PTPRT: variants seen among roughly 807,000 people sequenced by gnomAD.
The protein encoded by PTPRT is protein tyrosine phosphatase receptor type T, also known as receptor-type tyrosine-protein phosphatase T.
In PTPRT, 56 loss-of-function variants were observed where a neutral mutation model predicts 176.8. The observed-to-expected ratio is 0.32, with a 90% CI of 0.26 to 0.40. The LOEUF is 0.40. Ranked by LOEUF, PTPRT falls within the 10% of genes least tolerant of loss-of-function variation. The probability of loss-of-function intolerance (pLI) is 1.00; values close to 1 mark genes in which losing one functional copy is unlikely to be tolerated. For missense variants in PTPRT, 1,540 were observed against 1,908.2 expected, an observed-to-expected ratio of 0.81 and a Z score of 3.60; for synonymous variants, 783 against 739.0, an observed-to-expected ratio of 1.06 and a Z score of -0.96.
chr20:42,358,513 A>G (rs1348995456), intron 9 of PTPRT, among the ~76,000 whole-genome samples: 1 of 152,212 alleles, frequency 6.6e-6, no homozygotes, highest in East Asian at 1.9e-4. Context: ...AGCATGTAAC[A>G]GAGAAAACAG....
At chr20:42,352,458 C>T (rs6016757) in intron 9 of PTPRT, among the ~76,000 whole-genome samples, 173 bp from the exon 10 acceptor site, 2 of 151,914 alleles carry the variant, frequency 1.3e-5, no homozygotes, top group African/African-American at 4.8e-5. Flanking sequence ...ATCCCAGCCT[C>T]CAAATACCCC....
chr20:42,164,172 G>A (rs1475138004), intron 16 of PTPRT, among the ~76,000 whole-genome samples: 1 of 152,222 alleles, frequency 6.6e-6, no homozygotes, highest in Non-Finnish European at 1.5e-5. Flanking sequence ...GGGGACAGTT[G>A]TCTTCAGAGA....
intron 1 of PTPRT, among the ~76,000 whole-genome samples, chr20:43,183,298 T>C (rs1418452307): frequency 1.3e-5 from 2 of 152,180 alleles, no homozygotes; most frequent in Non-Finnish European, 2.9e-5. Context: ...AGTAACGCCA[T>C]TTCCTTGGTG....
At chr20:42,808,844 G>T (rs777440749) in intron 2 of PTPRT, among the ~76,000 whole-genome samples, 1 of 152,146 alleles carries the variant, frequency 6.6e-6, no homozygotes, top group East Asian at 1.9e-4. Context: ...GGTGACTGTT[G>T]GGTAGATGCT....
rs540940322 is a variant in PTPRT at position 42,648,577 on chromosome 20, G to A, written c.1153+29289C>T. On this transcript the variant is annotated intron_variant, in intron 7 of 30. Transcript: ENST00000373187. ...GACTAAAACACAGCCCAAGAAGGCC[G>A]CTACAGCTGCAATTCCATGCCTGTG... Among the ~76,000 whole-genome samples, 201 of 152,206 alleles carry A rather than the reference G, an allele frequency of 1.3e-3. 2 individuals are homozygous for A. Among genetic ancestry groups the A allele is most frequent in the African/African-American group, 4.7e-3 (194 of 41,512 alleles).
chr20:42,671,569 A>C (rs1364984328), intron 7 of PTPRT, among the ~76,000 whole-genome samples: 1 of 152,210 alleles, frequency 6.6e-6, no homozygotes, highest in East Asian at 1.9e-4. Flanking sequence ...ATATGGGTCC[A>C]CCTTCAAGAT....
At chr20:42,730,444 G>A (rs367653682) in intron 6 of PTPRT, among the ~76,000 whole-genome samples, 24 of 152,148 alleles carry the variant, frequency 1.6e-4, no homozygotes, top group Middle Eastern at 6.8e-3. Context: ...AAGAATAGAG[G>A]GAAAATTGGA....
At chr20:43,079,031 C>T (rs1272264242) in intron 1 of PTPRT, among the ~76,000 whole-genome samples, 3 of 152,128 alleles carry the variant, frequency 2.0e-5, no homozygotes, top group African/African-American at 4.8e-5. Context: ...TCACTTTGTG[C>T]CATTTTTGTA....
chr20:42,090,379 T>C (rs537995776), intron 27 of PTPRT, among the ~76,000 whole-genome samples: 2 of 151,084 alleles, frequency 1.3e-5, no homozygotes, highest in African/African-American at 4.8e-5. Flanking sequence ...GGATACTGCA[T>C]GTCAAAATAC....
the PTPRT span, among the ~76,000 whole-genome samples, chr20:42,034,711 A>G: frequency 2.6e-5 from 4 of 152,286 alleles, no homozygotes; most frequent in East Asian, 3.9e-4. Context: ...AACAGAAAGG[A>G]TTAACTTAGG....
intron 1 of PTPRT, among the ~76,000 whole-genome samples, chr20:42,928,010 C>G (rs1415697527): frequency 2.0e-5 from 3 of 152,202 alleles, no homozygotes; most frequent in African/African-American, 4.8e-5. Context: ...TAAGCAGCAC[C>G]GTGTAGCACA....
Position 42,472,353 on chromosome 20 carries a change from A to G in PTPRT, c.1363T>C (p.Phe455Leu). ...SHYTLRGLRP[F>L]MTIRLRLLLS... The stretch of plus-strand genomic sequence containing the variant: ...AAGAGTCGCAGCCGGATGGTCATGA[A>G]GGGGCGCAGGCCTCGCAGGGTGTAG... Residue 455 changes from phenylalanine (F) to leucine (L), a missense_variant, in exon 8 of 31, where the codon TTC (phenylalanine) becomes CTC (leucine). By Grantham distance (22) the Phe-to-Leu change is conservative. This residue lies in a region of PTPRT where 79 missense variants were observed against 80.0 expected (regional missense o/e 0.99). Coordinates refer to ENST00000373187, the MANE Select transcript of PTPRT (RefSeq NM_007050.6). The G allele has an allele frequency of 1.9e-6, 3 of 1,614,182 alleles. No individual in the cohort carries two copies. The highest frequency in any genetic ancestry group is 2.5e-6 in the Non-Finnish European group (3 of 1,180,040).
Position 43,189,599 on chromosome 20 carries a change from T to C in PTPRT, c.88+47A>G. On this transcript the variant is annotated intron_variant, in intron 1 of 30. Transcript: ENST00000373187. This position sits in a 1 kb window ranked among gnomAD's most constrained non-coding sequence, Gnocchi z 5.0. ...CCCCGCGGCTGGGGGCCCGCGCGCA[T>C]CCAGGAGGGAGCGGGGAGCCCAGGG... 1 of 1,174,920 alleles carries C rather than the reference T, an allele frequency of 8.5e-7. No individual in the cohort carries two copies. The allele number at this position is 1,174,920 out of a possible 1,614,324, so 72.8% of individuals were successfully genotyped here. A position where few individuals can be genotyped will look rare whatever the true frequency, so the allele number is the denominator to read the frequency against.
intron 7 of PTPRT, among the ~76,000 whole-genome samples, chr20:42,589,380 A>G (rs531251502): frequency 6.6e-6 from 1 of 152,322 alleles, no homozygotes; most frequent in African/African-American, 2.4e-5. Flanking sequence ...GATAAACTCA[A>G]TTGTTCAAAA....
At chr20:42,567,334 T>G (rs1217352758) in intron 7 of PTPRT, among the ~76,000 whole-genome samples, 1 of 151,942 alleles carries the variant, frequency 6.6e-6, no homozygotes, top group Non-Finnish European at 1.5e-5. Context: ...TTAAAATAGC[T>G]GTATTGAGCC....
intron 17 of PTPRT, among the ~76,000 whole-genome samples, chr20:42,155,984 C>G (rs1239458465): frequency 6.6e-6 from 1 of 152,144 alleles, no homozygotes; most frequent in Non-Finnish European, 1.5e-5. Context: ...TCATCCTGGC[C>G]CCTGTTGACA....
intron 11 of PTPRT, among the ~76,000 whole-genome samples, chr20:42,318,160 T>G (rs1444947406): frequency 6.6e-6 from 1 of 152,188 alleles, no homozygotes; most frequent in Non-Finnish European, 1.5e-5. Flanking sequence ...ATGTTCATAA[T>G]GCCTGTTGAA....
chr20:42,615,957 G>C (rs62203825), intron 7 of PTPRT, among the ~76,000 whole-genome samples: 10,183 of 104,630 alleles, frequency 0.097, 1,113 homozygotes, highest in Middle Eastern at 0.17. Context: ...TCCCATTTGT[G>C]AATTTTGGCT....
intron 6 of PTPRT, among the ~76,000 whole-genome samples, chr20:42,743,983 C>T (rs975278325): frequency 2.6e-5 from 4 of 152,226 alleles, no homozygotes; most frequent in Non-Finnish European, 4.4e-5. Flanking sequence ...CACCCACCTG[C>T]GGTTGGAGTC....
Sources: gnomAD v4.1 joint callset for allele counts (sites outside exome capture counted in the v4.1 genomes callset) on GRCh38, gnomAD v4.1.1 for gene constraint, gnomAD v4.1.1 regional missense constraint, Gnocchi (gnomAD v3.1) non-coding constraint, MANE v1.5 for transcripts, NCBI Gene and HGNC (gene_info 2026-07-23, HGNC 2026-07-21) for gene names.